Variants in PTPRG observed in about 807,000 individuals in gnomAD.
PTPRG encodes the protein protein tyrosine phosphatase receptor type G.
In PTPRG, 102 loss-of-function variants were observed where a neutral mutation model predicts 165.3. The observed-to-expected ratio is 0.62, with a 90% CI of 0.53 to 0.73. PTPRG has a LOEUF of 0.73. Ranked by LOEUF, PTPRG falls within the 30% of genes least tolerant of loss-of-function variation. The pLI is 0.00. For missense variants in PTPRG, 1,866 were observed against 1,861.4 expected, an observed-to-expected ratio of 1.00 and a Z score of -0.05; for synonymous variants, 675 against 669.5, an observed-to-expected ratio of 1.01 and a Z score of -0.13.
chr3:61,750,146 G>A (rs753012356), intron 2 of PTPRG: 1 of 152,104 alleles, frequency 6.6e-6, no homozygotes, highest in African/African-American at 2.4e-5. Context: ...CTAATTAGAG[G>A]CTTTTTGTCA....
chr3:62,174,814 C>T (rs1705352976), intron 8 of PTPRG, among the ~76,000 whole-genome samples: 1 of 152,208 alleles, frequency 6.6e-6, no homozygotes, highest in Non-Finnish European at 1.5e-5. Context: ...CCTTTGCAGG[C>T]AGCTGCCCTC....
intron 6 of PTPRG, among the ~76,000 whole-genome samples, chr3:62,153,019 T>C (rs1396853976): frequency 6.6e-6 from 1 of 152,234 alleles, no homozygotes; most frequent in Non-Finnish European, 1.5e-5. Flanking sequence ...ATTAAGTAGA[T>C]ATATATTTTG....
At chr3:61,822,075 A>G (rs2035973177) in intron 2 of PTPRG, among the ~76,000 whole-genome samples, 1 of 152,252 alleles carries the variant, frequency 6.6e-6, no homozygotes, top group Non-Finnish European at 1.5e-5. Context: ...AGTTTCAGTC[A>G]CTGGCACAGC....
chr3:62,144,834 A>G (rs766317073), intron 6 of PTPRG, among the ~76,000 whole-genome samples: 4 of 152,184 alleles, frequency 2.6e-5, no homozygotes, highest in African/African-American at 9.7e-5. Context: ...ATTGTTAACA[A>G]TAATGTTAAG....
At chr3:61,870,968 G>C (rs553366069) in intron 2 of PTPRG, among the ~76,000 whole-genome samples, 2 of 151,994 alleles carry the variant, frequency 1.3e-5, no homozygotes, top group Admixed American at 1.3e-4. Context: ...TTCGAATCAG[G>C]GGTTTCAGGA....
At chr3:61,903,229 CTCTCCTGA>C (rs2038545068) in intron 2 of PTPRG, among the ~76,000 whole-genome samples, 2 of 152,208 alleles carry the variant, frequency 1.3e-5, no homozygotes, top group African/African-American at 4.8e-5. Context: ...TGAGCTGCTG[CTCTCCTGA>C]TGCCTTACCT....
chr3:62,037,110 C>T (rs7623384), intron 4 of PTPRG, among the ~76,000 whole-genome samples: 93,810 of 152,072 alleles, frequency 0.62, 29,526 homozygotes, highest in African/African-American at 0.74. Flanking sequence ...GAGAAGTACT[C>T]ATTTTATCCC....
chr3:62,275,794 T>A, intron 23 of PTPRG, 79 bp from the exon 24 acceptor site: 5 of 1,015,778 alleles, frequency 4.9e-6, no homozygotes, highest in Non-Finnish European at 7.3e-6. Flanking sequence ...GTAATCTGAT[T>A]GGGATTTTTG....
chr3:62,218,897 G>A lies in PTPRG; in HGVS notation c.2202G>A (p.Arg734=). Residue 734 remains arginine (R), a synonymous_variant, in exon 13 of 30, where the codon AGG becomes AGA. Coordinates refer to ENST00000474889, the MANE Select transcript of PTPRG (RefSeq NM_002841.4). ...SGMISRPAPG[R]MEWIIPLIVV... Reference sequence around the variant, plus strand: ...TGATAAGCCGCCCTGCTCCAGGGAGGATGGAGTGGATCATCCCTCTGATTG... The same window carrying A: ...TGATAAGCCGCCCTGCTCCAGGGAGAATGGAGTGGATCATCCCTCTGATTG... The A allele has an allele frequency of 2.5e-6, 4 of 1,614,060 alleles. No homozygotes were observed. In the South Asian group the frequency reaches 4.4e-5, roughly 18 times the overall value.
At chr3:61,902,771 T>C (rs2038531896) in intron 2 of PTPRG, among the ~76,000 whole-genome samples, 1 of 152,146 alleles carries the variant, frequency 6.6e-6, no homozygotes, top group Admixed American at 6.5e-5. Flanking sequence ...CTGGTAAATC[T>C]TTATTGAGCA....
intron 1 of PTPRG, among the ~76,000 whole-genome samples, chr3:61,671,140 T>TTTC (rs1457764250): frequency 1.7e-4 from 2 of 11,632 alleles, no homozygotes; most frequent in African/African-American, 3.1e-4. Context: ...TGAACTTTCT[T>TTTC]TTTTTTTTTT....
At chr3:61,579,352 A>G (rs1030662891) in intron 1 of PTPRG, among the ~76,000 whole-genome samples, 1 of 152,204 alleles carries the variant, frequency 6.6e-6, no homozygotes, top group African/African-American at 2.4e-5. Flanking sequence ...CCCCAAGGGA[A>G]GAACATCTCC....
intron 2 of PTPRG, chr3:61,771,399 T>C (rs2034204508): frequency 6.6e-6 from 1 of 152,102 alleles, no homozygotes; most frequent in Non-Finnish European, 1.5e-5. Flanking sequence ...AAAAAAACTT[T>C]CTATGTAAGT....
intron 13 of PTPRG, among the ~76,000 whole-genome samples, chr3:62,221,207 G>A (rs1221640043): frequency 6.6e-6 from 1 of 152,112 alleles, no homozygotes; most frequent in Non-Finnish European, 1.5e-5. Flanking sequence ...AATATTTCCT[G>A]TCTGAAATAT....
chr3:61,650,473 G>A (rs1575563539), intron 1 of PTPRG, among the ~76,000 whole-genome samples: 2 of 152,294 alleles, frequency 1.3e-5, no homozygotes, highest in African/African-American at 4.8e-5. Context: ...CCAGGAGAAG[G>A]GAAACTTGGC....
rs1701739530 is a variant in PTPRG, at chr3:62,262,798, G to A, written c.2560G>A (p.Glu854Lys). The A allele has an allele frequency of 2.5e-6, 4 of 1,606,082 alleles. No individual in the cohort carries two copies. Among genetic ancestry groups the A allele is most frequent in the Non-Finnish European group, 3.4e-6 (4 of 1,176,236 alleles). Residue 854 changes from glutamate to lysine, a missense_variant and splice_region_variant, in exon 17 of 30, where the codon GAA (glutamate) becomes AAA (lysine). Around this residue, in one of 3 missense-constraint regions of PTPRG, gnomAD observed 1,452 missense variants for 1,463.0 expected, o/e 0.99. Coordinates refer to ENST00000474889, the MANE Select transcript of PTPRG (RefSeq NM_002841.4). ...NQHGFSEDFE[E>K]VQRCTADMNI... Reference sequence around the variant, plus strand: ...ATAATCTTGCTGTTTTCTTCACTAGGAAGTCCAGCGCTGTACTGCTGATAT... The same window carrying A: ...ATAATCTTGCTGTTTTCTTCACTAGAAAGTCCAGCGCTGTACTGCTGATAT...
At chr3:62,020,024 T>C (rs920442099) in intron 4 of PTPRG, among the ~76,000 whole-genome samples, 10 of 152,144 alleles carry the variant, frequency 6.6e-5, no homozygotes, top group African/African-American at 2.4e-4. Context: ...TTTAGGAGTA[T>C]AGTAGTCTGA....
At chr3:62,117,278 G>A (rs1702900721) in intron 5 of PTPRG, among the ~76,000 whole-genome samples, 1 of 152,226 alleles carries the variant, frequency 6.6e-6, no homozygotes, top group South Asian at 2.1e-4. Context: ...ACTTTTCCCA[G>A]CTAGCTCACA....
At chr3:61,772,399 A>G (rs192483432) in intron 2 of PTPRG, among the ~76,000 whole-genome samples, 2 of 152,094 alleles carry the variant, frequency 1.3e-5, no homozygotes, top group Admixed American at 6.5e-5. Context: ...CCTTTTCCGT[A>G]ATGTCTAATT....
Sources: allele counts gnomAD v4.1 joint callset (sites outside exome capture counted in the v4.1 genomes callset), GRCh38; gene constraint gnomAD v4.1.1; regional missense constraint gnomAD v4.1.1; transcripts MANE v1.5; gene names NCBI Gene and HGNC (gene_info 2026-07-23, HGNC 2026-07-21).